CCDC102B: variants seen among roughly 807,000 people sequenced by gnomAD.
CCDC102B encodes coiled-coil domain containing 102B.
Under a neutral mutation model 57.4 loss-of-function variants are expected in CCDC102B, and 75 were observed. The observed-to-expected ratio is 1.31, with a 90% CI of 1.08 to 1.58. The LOEUF is 1.58. CCDC102B is among the 40% of genes most tolerant of loss of function. CCDC102B has a pLI of 0.00. For missense variants in CCDC102B, 636 were observed against 582.6 expected, an observed-to-expected ratio of 1.09 and a Z score of -0.94; for synonymous variants, 206 against 201.9, an observed-to-expected ratio of 1.02 and a Z score of -0.17.
At chr18:68,965,601 A>G (rs1353954968) in intron 6 of CCDC102B, among the ~76,000 whole-genome samples, 1 of 151,268 alleles carries the variant, frequency 6.6e-6, no homozygotes, top group African/African-American at 2.4e-5. Context: ...CCTAGAACTG[A>G]AAGTATAAAA....
chr18:69,037,488 T>A (rs2052326519), intron 7 of CCDC102B, among the ~76,000 whole-genome samples: 1 of 151,900 alleles, frequency 6.6e-6, no homozygotes. Context: ...CTCTTCCAAG[T>A]GTGTTCCAAG....
chr18:68,870,011 T>C (rs914588968), intron 4 of CCDC102B, among the ~76,000 whole-genome samples: 18 of 152,320 alleles, frequency 1.2e-4, no homozygotes, highest in African/African-American at 4.3e-4. Context: ...TTTGTCAGGT[T>C]TGTCGAAGAT....
At chr18:68,979,192 A>C (rs1465097926) in intron 6 of CCDC102B, among the ~76,000 whole-genome samples, 1 of 152,044 alleles carries the variant, frequency 6.6e-6, no homozygotes, top group Admixed American at 6.6e-5. Flanking sequence ...ACTTCATTCT[A>C]ATTTATACTT....
intron 2 of CCDC102B, among the ~76,000 whole-genome samples, chr18:68,790,253 T>G (rs1485976980): frequency 6.6e-6 from 1 of 151,762 alleles, no homozygotes; most frequent in Non-Finnish European, 1.5e-5. Context: ...CTGGGACATT[T>G]AAGTCTGCAG....
intron 1 of CCDC102B, among the ~76,000 whole-genome samples, chr18:68,806,395 A>G (rs950098645): frequency 1.1e-4 from 17 of 152,162 alleles, no homozygotes; most frequent in African/African-American, 3.4e-4. Flanking sequence ...AGAATGTCAC[A>G]TTCACTTACC....
intron 2 of CCDC102B, chr18:68,753,445 C>G (rs920135874): frequency 1.3e-5 from 2 of 152,144 alleles, no homozygotes; most frequent in African/African-American, 4.8e-5. Flanking sequence ...AAGCTTATTA[C>G]AGATGGTCTC....
At chr18:68,784,562 T>C (rs1568248208) in intron 2 of CCDC102B, among the ~76,000 whole-genome samples, 1 of 152,200 alleles carries the variant, frequency 6.6e-6, no homozygotes, top group Non-Finnish European at 1.5e-5. Context: ...TGTAATACTT[T>C]AGAAATTCAT....
At chr18:68,934,004 T>A (rs2041765240) in intron 6 of CCDC102B, among the ~76,000 whole-genome samples, 1 of 151,894 alleles carries the variant, frequency 6.6e-6, no homozygotes, top group Non-Finnish European at 1.5e-5. Flanking sequence ...TGCTTTCACA[T>A]GGCACTAGAT....
At chr18:68,833,041 T>G (rs2037212084) in intron 1 of CCDC102B, among the ~76,000 whole-genome samples, 1 of 152,162 alleles carries the variant, frequency 6.6e-6, no homozygotes, top group South Asian at 2.1e-4. Context: ...TATTTTAGCT[T>G]AAAAATATCC....
chr18:68,758,189 T>C (rs1378435004), intron 2 of CCDC102B, among the ~76,000 whole-genome samples: 1 of 104,964 alleles, frequency 9.5e-6, no homozygotes, highest in South Asian at 3.8e-4. Flanking sequence ...GTATTATACA[T>C]GTAGACATGT....
intron 1 of CCDC102B, among the ~76,000 whole-genome samples, chr18:68,806,895 C>T (rs2036053276): frequency 6.6e-6 from 1 of 152,034 alleles, no homozygotes; most frequent in Non-Finnish European, 1.5e-5. Flanking sequence ...TTCAGGCGAC[C>T]CTCATTTCAA....
At chr18:69,044,467 C>A (rs2052509297) in intron 7 of CCDC102B, among the ~76,000 whole-genome samples, 2 of 152,034 alleles carry the variant, frequency 1.3e-5, no homozygotes, top group Non-Finnish European at 2.9e-5. Context: ...GTACATTTGC[C>A]AAATTCAGTA....
chr18:69,014,978 A>AGAGAGTGT (rs139377520), intron 7 of CCDC102B, among the ~76,000 whole-genome samples: 5 of 139,330 alleles, frequency 3.6e-5, no homozygotes, highest in African/African-American at 8.0e-5. Flanking sequence ...AGAGAGAGAG[A>AGAGAGTGT]GTGTGTGTGT....
intron 2 of CCDC102B, among the ~76,000 whole-genome samples, chr18:68,724,669 G>A (rs1599372224): frequency 6.6e-6 from 1 of 152,260 alleles, no homozygotes; most frequent in East Asian, 1.9e-4. Flanking sequence ...TCAGCATTTT[G>A]GTCAAAGCCA....
chr18:68,808,449 T>G (rs2036112367), intron 1 of CCDC102B, among the ~76,000 whole-genome samples: 1 of 151,662 alleles, frequency 6.6e-6, no homozygotes, highest in East Asian at 1.9e-4. Context: ...ATTCCATTGT[T>G]ATTTCATTGC....
intron 5 of CCDC102B, 82 bp from the exon 6 acceptor site, chr18:68,897,137 A>T: frequency 1.0e-6 from 1 of 1,004,020 alleles, no homozygotes. Context: ...AACTTTTCTT[A>T]ATGGGAGTCT....
chr18:68,785,872 C>A (rs1165088745), intron 2 of CCDC102B, among the ~76,000 whole-genome samples: 1 of 150,478 alleles, frequency 6.6e-6, no homozygotes, highest in Admixed American at 6.6e-5. Flanking sequence ...GTTGCCATTG[C>A]TTTTGGTGTT....
chr18:68,958,079 A>AGAAT (rs551164263), intron 6 of CCDC102B, among the ~76,000 whole-genome samples: 13 of 151,374 alleles, frequency 8.6e-5, no homozygotes, highest in Non-Finnish European at 1.8e-4. Context: ...AGACAAGAGA[A>AGAAT]GAGAGCTAGT....
chr18:68,878,292 T>C (rs1209386933), intron 5 of CCDC102B, among the ~76,000 whole-genome samples: 1 of 151,870 alleles, frequency 6.6e-6, no homozygotes. Flanking sequence ...GAGACCGGGG[T>C]CTCACCATGT....
Sources: allele counts gnomAD v4.1 joint callset (sites outside exome capture counted in the v4.1 genomes callset), GRCh38; gene constraint gnomAD v4.1.1; transcripts MANE v1.5; gene names NCBI Gene and HGNC (gene_info 2026-07-23, HGNC 2026-07-21).